Variants in TENM3 observed in about 807,000 individuals in gnomAD.
TENM3 encodes the protein teneurin transmembrane protein 3, also known as teneurin-3.
TENM3 carries 63 observed loss-of-function variants against 255.1 expected under a neutral mutation model. The observed-to-expected ratio is 0.25, with a 90% confidence interval of 0.20 to 0.30. TENM3 has a LOEUF of 0.30. Ranked by LOEUF, TENM3 falls within the 10% of genes least tolerant of loss-of-function variation. The pLI is 1.00. For synonymous variants in TENM3, 1,306 were observed against 1,322.3 expected (o/e 0.99, Z 0.27); for missense variants, 2,929 against 3,461.1 (o/e 0.85, Z 3.86).
chr4:182,118,804 C>T, the TENM3 span, among the ~76,000 whole-genome samples: 10 of 152,222 alleles, frequency 6.6e-5, no homozygotes, highest in Non-Finnish European at 1.5e-4. Flanking sequence ...GGATAAACCC[C>T]ACTTGGCCGT....
At chr4:181,942,606 T>G in the TENM3 span, among the ~76,000 whole-genome samples, 20 of 152,284 alleles carry the variant, frequency 1.3e-4, no homozygotes, top group Non-Finnish European at 2.4e-4. Context: ...TGCACATAAT[T>G]CATATTGTCA....
chr4:182,615,510 T>TG (rs1749418147), intron 4 of TENM3, among the ~76,000 whole-genome samples: 1 of 151,958 alleles, frequency 6.6e-6, no homozygotes, highest in African/African-American at 2.4e-5. Context: ...TGCTGATGAG[T>TG]GGTTTTAAAG....
chr4:181,647,808 G>C, the TENM3 span, among the ~76,000 whole-genome samples: 1 of 152,122 alleles, frequency 6.6e-6, no homozygotes, highest in Non-Finnish European at 1.5e-5. Flanking sequence ...ACACGAAGGC[G>C]CTCAGGGAAA....
intron 3 of TENM3, among the ~76,000 whole-genome samples, chr4:182,598,487 T>C (rs918806626): frequency 1.3e-5 from 2 of 152,194 alleles, no homozygotes; most frequent in Admixed American, 1.3e-4. Flanking sequence ...AGCAGCTGCT[T>C]ATTTTTGAAA....
At chr4:181,885,652 G>A in the TENM3 span, among the ~76,000 whole-genome samples, 1 of 151,956 alleles carries the variant, frequency 6.6e-6, no homozygotes, top group Non-Finnish European at 1.5e-5. Flanking sequence ...CTACATGTTC[G>A]TTTCATTTGA....
chr4:182,030,329 C>G, the TENM3 span, among the ~76,000 whole-genome samples: 1 of 151,798 alleles, frequency 6.6e-6, no homozygotes, highest in Non-Finnish European at 1.5e-5. Flanking sequence ...TGAGAACATG[C>G]AGTGTTTGGT....
At chr4:182,461,391 C>T (rs1479001000) in intron 3 of TENM3, among the ~76,000 whole-genome samples, 1 of 152,074 alleles carries the variant, frequency 6.6e-6, no homozygotes, top group Non-Finnish European at 1.5e-5. Flanking sequence ...TATCAAATGA[C>T]CTACTTCGAG....
the TENM3 span, among the ~76,000 whole-genome samples, chr4:181,760,497 C>T: frequency 6.6e-6 from 1 of 152,028 alleles, no homozygotes; most frequent in Admixed American, 6.6e-5. Flanking sequence ...TAATTTTATA[C>T]CTTTGTAAGT....
intron 1 of TENM3, among the ~76,000 whole-genome samples, chr4:182,158,540 A>G (rs1750875095): frequency 6.6e-6 from 1 of 152,122 alleles, no homozygotes; most frequent in African/African-American, 2.4e-5. Flanking sequence ...TGGAGGAGAA[A>G]ATGTTTTCAG....
chr4:181,839,345 GTATA>G, the TENM3 span, among the ~76,000 whole-genome samples: 398 of 56,626 alleles, frequency 7.0e-3, 6 homozygotes, highest in African/African-American at 0.019. Context: ...TGTATTGAGG[GTATA>G]TATATATATA....
chr4:182,565,741 C>T (rs1743727438), intron 3 of TENM3, among the ~76,000 whole-genome samples: 1 of 152,170 alleles, frequency 6.6e-6, no homozygotes, highest in South Asian at 2.1e-4. Context: ...TAGACATCTA[C>T]AGCATTATGC....
chr4:182,004,588 C>A, the TENM3 span, among the ~76,000 whole-genome samples: 6 of 152,022 alleles, frequency 3.9e-5, no homozygotes, highest in Non-Finnish European at 1.5e-5. Flanking sequence ...GGGTATATAC[C>A]CAGTAAGGGG....
intron 5 of TENM3, among the ~76,000 whole-genome samples, chr4:182,645,703 A>G (rs1752682622): frequency 6.6e-6 from 1 of 152,138 alleles, no homozygotes; most frequent in Admixed American, 6.5e-5. Context: ...CTCTTACCAC[A>G]TGGGCCTCTT....
At chr4:181,681,013 A>G in the TENM3 span, among the ~76,000 whole-genome samples, 1 of 152,048 alleles carries the variant, frequency 6.6e-6, no homozygotes, top group Non-Finnish European at 1.5e-5. Flanking sequence ...TTTGTTCCTC[A>G]TAGGAAACTG....
At chr4:181,472,490 G>T in the TENM3 span, among the ~76,000 whole-genome samples, 103,006 of 150,802 alleles carry the variant, frequency 0.68, 35,641 homozygotes, top group Non-Finnish European at 0.75. Context: ...CATAATGCCT[G>T]CAGCCAGGCT....
the TENM3 span, among the ~76,000 whole-genome samples, chr4:181,972,444 A>AG: frequency 4.0e-5 from 6 of 151,664 alleles, no homozygotes; most frequent in Non-Finnish European, 7.4e-5. Flanking sequence ...TCCAAAAAAA[A>AG]AAAAAAAAAA....
At chr4:182,325,095 G>A (rs1018595399) in intron 2 of TENM3, among the ~76,000 whole-genome samples, 1 of 152,150 alleles carries the variant, frequency 6.6e-6, no homozygotes, top group African/African-American at 2.4e-5. Context: ...CATTTGTAAT[G>A]TGCAGTATAA....
the TENM3 span, among the ~76,000 whole-genome samples, chr4:181,679,278 C>T: frequency 6.6e-6 from 1 of 152,120 alleles, no homozygotes; most frequent in Non-Finnish European, 1.5e-5. Context: ...TCTTCCACCA[C>T]ATGGCTGCAA....
the TENM3 span, among the ~76,000 whole-genome samples, chr4:181,801,097 G>C: frequency 6.6e-6 from 1 of 152,146 alleles, no homozygotes; most frequent in South Asian, 2.1e-4. Flanking sequence ...CCCTCCTTTG[G>C]ACAAGGAAGC....
Sources: allele counts gnomAD v4.1 joint callset (sites outside exome capture counted in the v4.1 genomes callset), GRCh38; gene constraint gnomAD v4.1.1; transcripts MANE v1.5; gene names NCBI Gene and HGNC (gene_info 2026-07-23, HGNC 2026-07-21).